Variants in SUMF1 observed in about 807,000 individuals in gnomAD.
SUMF1 encodes sulfatase modifying factor 1.
A neutral mutation model predicts 47.6 loss-of-function variants in SUMF1; 48 were observed. The observed-to-expected ratio is 1.01, with a 90% CI of 0.80 to 1.28. The LOEUF is 1.28. SUMF1 is among the 50% of genes most tolerant of loss of function. The probability of loss-of-function intolerance (pLI) is 0.00; values close to 1 mark genes in which losing one functional copy is unlikely to be tolerated. For missense variants in SUMF1, 571 were observed against 485.4 expected, an observed-to-expected ratio of 1.18 and a Z score of -1.66; for synonymous variants, 230 against 192.1, an observed-to-expected ratio of 1.20 and a Z score of -1.63.
intron 8 of SUMF1, among the ~76,000 whole-genome samples, chr3:4,355,178 C>T (rs1317654669): frequency 2.6e-5 from 4 of 152,204 alleles, no homozygotes; most frequent in African/African-American, 7.2e-5. Flanking sequence ...GGAAAAACTC[C>T]ATCTCTACAA....
chr3:4,151,743 G>A (rs978276916), intron 8 of SUMF1, among the ~76,000 whole-genome samples: 1 of 150,382 alleles, frequency 6.6e-6, no homozygotes, highest in Non-Finnish European at 1.5e-5. Context: ...AATGTTTTAA[G>A]AAAGTTTATG....
intron 8 of SUMF1, among the ~76,000 whole-genome samples, chr3:4,226,824 C>A (rs1228929174): frequency 2.0e-5 from 3 of 151,936 alleles, no homozygotes; most frequent in African/African-American, 7.2e-5. Context: ...CAAGGAACTG[C>A]CTCCTGCCAG....
intron 8 of SUMF1, among the ~76,000 whole-genome samples, chr3:4,265,258 T>G (rs1204690886): frequency 6.6e-6 from 1 of 152,150 alleles, no homozygotes; most frequent in East Asian, 1.9e-4. Context: ...CTGCTCATGT[T>G]TTCTAAGAAT....
intron 3 of SUMF1, among the ~76,000 whole-genome samples, chr3:4,425,317 G>A (rs1041588858): frequency 2.6e-5 from 4 of 152,102 alleles, no homozygotes; most frequent in Non-Finnish European, 5.9e-5. Flanking sequence ...ACTTCCTGGG[G>A]ATGTTATAAG....
intron 8 of SUMF1, among the ~76,000 whole-genome samples, chr3:4,330,800 A>T (rs530463823): frequency 3.3e-5 from 5 of 152,360 alleles, no homozygotes; most frequent in African/African-American, 1.2e-4. Flanking sequence ...TTAGTGTATT[A>T]CTAATGCTGA....
chr3:4,380,225 A>T (rs904601830), intron 7 of SUMF1, among the ~76,000 whole-genome samples: 16 of 152,208 alleles, frequency 1.1e-4, no homozygotes, highest in African/African-American at 3.9e-4. Flanking sequence ...TACACCATGG[A>T]ATACTACACA....
At chr3:4,243,067 T>G (rs907896378) in intron 8 of SUMF1, among the ~76,000 whole-genome samples, 1 of 152,228 alleles carries the variant, frequency 6.6e-6, no homozygotes, top group Non-Finnish European at 1.5e-5. Flanking sequence ...TTTATAGTAT[T>G]CTCTGATGGT....
chr3:4,147,138 T>C (rs1441840037), intron 8 of SUMF1, among the ~76,000 whole-genome samples: 1 of 152,096 alleles, frequency 6.6e-6, no homozygotes, highest in Non-Finnish European at 1.5e-5. Flanking sequence ...CCAGTTAGAA[T>C]GGCGATCATT....
At chr3:4,094,759 A>G (rs1559465675) in intron 8 of SUMF1, among the ~76,000 whole-genome samples, 1 of 152,126 alleles carries the variant, frequency 6.6e-6, no homozygotes, top group Non-Finnish European at 1.5e-5. Context: ...TTAATAATGT[A>G]ATACTTATAG....
intron 9 of SUMF1, among the ~76,000 whole-genome samples, chr3:4,036,912 T>G (rs1382626564): frequency 7.5e-6 from 1 of 133,672 alleles, no homozygotes; most frequent in Non-Finnish European, 1.6e-5. Context: ...CATACAGAAC[T>G]AGGTGGAGAT....
At chr3:4,415,055 T>C (rs149563917) in intron 6 of SUMF1, 5,824 of 152,152 alleles carry the variant, frequency 0.038, 129 homozygotes, top group Middle Eastern at 0.055. Context: ...GGCGAAATCC[T>C]GTCTCTACTA....
At chr3:4,070,925 CT>C (rs1462521157) in intron 8 of SUMF1, among the ~76,000 whole-genome samples, 1 of 152,134 alleles carries the variant, frequency 6.6e-6, no homozygotes, top group Non-Finnish European at 1.5e-5. Context: ...CCCACCGTGC[CT>C]GGCCTCCTTT....
intron 8 of SUMF1, among the ~76,000 whole-genome samples, chr3:4,282,999 G>A (rs1229317245): frequency 6.6e-6 from 1 of 152,162 alleles, no homozygotes; most frequent in Non-Finnish European, 1.5e-5. Flanking sequence ...TGAATTAGAT[G>A]ACTGCCTCTC....
intron 8 of SUMF1, among the ~76,000 whole-genome samples, chr3:4,347,734 G>C (rs867434706): frequency 1.6e-4 from 25 of 152,336 alleles, no homozygotes; most frequent in African/African-American, 6.0e-4. Flanking sequence ...AAGAGAGGAA[G>C]TCAGATTGTC....
At chr3:4,368,654 G>A (rs142089473) in intron 8 of SUMF1, among the ~76,000 whole-genome samples, 184 of 152,236 alleles carry the variant, frequency 1.2e-3, no homozygotes, top group Non-Finnish European at 2.0e-3. Flanking sequence ...AGAGTATCAC[G>A]ACTCATGTCT....
Position 4,426,170 on chromosome 3 carries a change from T to C in SUMF1, c.520-6024A>G, listed in dbSNP as rs372515288. On this transcript the variant is annotated intron_variant, in intron 3 of 8. Coordinates refer to ENST00000272902, the MANE Select transcript of SUMF1 (RefSeq NM_182760.4). ...AGAATACAGGAGGTATCCACATTCC[T>C]CAACCTCCAAACTTCAGAAAGCTTG... Among the ~76,000 whole-genome samples the C allele has an allele frequency of 1.2e-3, 177 of 152,290 alleles. 4 individuals carry two copies. The South Asian group carries it at 0.035, about 30-fold the overall frequency.
chr3:4,223,008 G>A (rs78778560), intron 8 of SUMF1, among the ~76,000 whole-genome samples: 2,068 of 152,196 alleles, frequency 0.014, 53 homozygotes, highest in African/African-American at 0.048. Context: ...TGACAGTGTG[G>A]TAAAGGGGAA....
Position 4,303,502 on chromosome 3 carries a change from G to C in SUMF1, c.1014+72828C>G, listed in dbSNP as rs201457479. 13 of 1,454,172 alleles carry C rather than the reference G, an allele frequency of 8.9e-6. No individual in the cohort carries two copies. In the East Asian group the frequency reaches 3.3e-4, roughly 37 times the overall value. 90.1% of individuals were successfully genotyped at this position (1,454,172 alleles called of 1,614,324 possible). ...ACTTGCCGGTGGGCGCGTGGCCCCC[G>C]GGGGCCGCGCCGGCGCCCTTCCAGG... On this transcript the variant is annotated intron_variant and NMD_transcript_variant, in intron 8 of 12. Coordinates refer to the SUMF1 transcript ENST00000448413.
intron 8 of SUMF1, among the ~76,000 whole-genome samples, chr3:4,069,538 C>A (rs1221336276): frequency 6.6e-6 from 1 of 152,120 alleles, no homozygotes; most frequent in African/African-American, 2.4e-5. Flanking sequence ...TTTCTTGCTA[C>A]CTATTTGCAT....
Sources: gnomAD v4.1 joint callset for allele counts (sites outside exome capture counted in the v4.1 genomes callset) on GRCh38, gnomAD v4.1.1 for gene constraint, MANE v1.5 for transcripts, NCBI Gene and HGNC (gene_info 2026-07-23, HGNC 2026-07-21) for gene names.